The following NKAIN3 variants were observed in gnomAD, a reference collection of about 807,000 sequenced individuals.
NKAIN3 encodes sodium/potassium-transporting ATPase subunit beta-1-interacting protein 3.
Under a neutral mutation model 30.2 loss-of-function variants are expected in NKAIN3, and 25 were observed. That is an observed-to-expected ratio of 0.83 (90% CI 0.60 to 1.16). NKAIN3 has a LOEUF of 1.16. Among genes scored for constraint, NKAIN3 ranks in the 50% most tolerant of loss-of-function variants. The pLI is 0.00. For synonymous variants in NKAIN3, 91 were observed against 89.6 expected, an observed-to-expected ratio of 1.02 and a Z score of -0.09; for missense variants, 225 against 254.1, an observed-to-expected ratio of 0.89 and a Z score of 0.78.
At chr8:62,270,189 C>G (rs1033845397) in intron 1 of NKAIN3, among the ~76,000 whole-genome samples, 2 of 152,120 alleles carry the variant, frequency 1.3e-5, no homozygotes, top group Non-Finnish European at 2.9e-5. Context: ...AAGTGATCCT[C>G]CCACCTCAGT....
At chr8:62,345,494 CACATATATACACATATATACACAT>C in intron 1 of NKAIN3, among the ~76,000 whole-genome samples, 1 of 7,234 alleles carries the variant, frequency 1.4e-4, no homozygotes, top group Non-Finnish European at 4.4e-4. Flanking sequence ...TATATATACA[CACATATATACACATATATACACAT>C]ATATGTATAT....
intron 4 of NKAIN3, among the ~76,000 whole-genome samples, chr8:62,841,279 A>C (rs1413184530): frequency 6.6e-6 from 1 of 152,126 alleles, no homozygotes; most frequent in African/African-American, 2.4e-5. Flanking sequence ...AAATCAAATT[A>C]ATTAACATAT....
At chr8:62,765,631 T>C (rs1816813746) in intron 4 of NKAIN3, among the ~76,000 whole-genome samples, 1 of 152,210 alleles carries the variant, frequency 6.6e-6, no homozygotes, top group African/African-American at 2.4e-5. Context: ...AAGAAGTTAA[T>C]TACATTACCT....
At chr8:62,985,831 A>T (rs1219605577), downstream of NKAIN3, among the ~76,000 whole-genome samples, 1 of 152,156 alleles carries the variant, frequency 6.6e-6, no homozygotes, top group Non-Finnish European at 1.5e-5. Context: ...GTAGTTCTAC[A>T]ACTTTATTTA....
intron 4 of NKAIN3, among the ~76,000 whole-genome samples, chr8:62,780,153 T>C (rs1177409330): frequency 6.6e-6 from 1 of 152,068 alleles, no homozygotes; most frequent in Non-Finnish European, 1.5e-5. Flanking sequence ...TCAGAGACTA[T>C]TATGAACCAT....
Position 62,503,002 on chromosome 8 carries a change from G to A in NKAIN3, c.55-76537G>A, listed in dbSNP as rs74789557. Among the ~76,000 whole-genome samples the A allele has an allele frequency of 8.0e-3, 1,222 of 152,296 alleles. 13 individuals are homozygous for A. The highest frequency in any genetic ancestry group is 0.025 in the African/African-American group (1,048 of 41,574). On this transcript the variant is annotated intron_variant, in intron 1 of 6. Coordinates refer to ENST00000623646, the MANE Select transcript of NKAIN3 (RefSeq NM_001304533.3). ...GACTGGTACTGGTTTGGTCCATGACGTGTTGGGAACCTGGCTGCACAGCAG... is the reference window on the plus strand; with the variant it reads ...GACTGGTACTGGTTTGGTCCATGACATGTTGGGAACCTGGCTGCACAGCAG...
At chr8:62,317,052 C>T (rs1031008656) in intron 1 of NKAIN3, among the ~76,000 whole-genome samples, 2 of 152,062 alleles carry the variant, frequency 1.3e-5, no homozygotes, top group African/African-American at 4.8e-5. Context: ...TTTCATGTGT[C>T]TTTTGGCTGC....
intron 5 of NKAIN3, chr8:62,990,887 T>C (rs1249632393): frequency 6.6e-6 from 1 of 152,154 alleles, no homozygotes; most frequent in Non-Finnish European, 1.5e-5. Context: ...AGAAAGCATT[T>C]TTTACAAAAA....
At chr8:62,662,363 G>C (rs1812972004) in intron 3 of NKAIN3, among the ~76,000 whole-genome samples, 1 of 152,200 alleles carries the variant, frequency 6.6e-6, no homozygotes, top group Non-Finnish European at 1.5e-5. Flanking sequence ...CTCAGTCAGG[G>C]ATGAGGGTCA....
intron 1 of NKAIN3, among the ~76,000 whole-genome samples, chr8:62,506,135 C>A (rs1807626937): frequency 1.1e-5 from 1 of 88,042 alleles, no homozygotes; most frequent in Non-Finnish European, 3.3e-5. Flanking sequence ...ATCAGGATAA[C>A]CTCCCCATAA....
chr8:62,452,975 G>A (rs186330551), intron 1 of NKAIN3, among the ~76,000 whole-genome samples: 5 of 152,236 alleles, frequency 3.3e-5, no homozygotes, highest in Admixed American at 3.3e-4. Context: ...CCCAAATTAA[G>A]TTTGGGTAAA....
intron 5 of NKAIN3, among the ~76,000 whole-genome samples, chr8:62,950,518 A>T (rs560099740): frequency 7.9e-5 from 12 of 152,322 alleles, no homozygotes; most frequent in African/African-American, 2.6e-4. Context: ...TAGAATCTTG[A>T]TAATTTAAGT....
intron 3 of NKAIN3, among the ~76,000 whole-genome samples, chr8:62,728,197 A>G (rs1346224652): frequency 2.0e-5 from 3 of 152,186 alleles, no homozygotes; most frequent in Non-Finnish European, 4.4e-5. Context: ...ATGCAAAACT[A>G]TATACTCCTA....
At chr8:62,269,832 C>CAT (rs1422303614) in intron 1 of NKAIN3, among the ~76,000 whole-genome samples, 2 of 151,928 alleles carry the variant, frequency 1.3e-5, no homozygotes, top group African/African-American at 4.8e-5. Context: ...CCTCAGCATG[C>CAT]ATATAATGCA....
chr8:62,996,794 C>T (rs963659896), intron 5 of NKAIN3, among the ~76,000 whole-genome samples: 8 of 152,132 alleles, frequency 5.3e-5, no homozygotes, highest in East Asian at 3.9e-4. Flanking sequence ...CTTAAAGGTC[C>T]GTAATGATCT....
In NKAIN3 at chr8:62,292,993, T is replaced by C. The variant is rs940481824; in HGVS notation, c.54+43866T>C. On this transcript the variant is annotated intron_variant, in intron 1 of 6. Transcript: ENST00000623646. ...ATTTCATTCATTTGATCTTCGGTCATTGATACCCTTTCTTCCACTTGATCA... is the reference window on the plus strand; with the variant it reads ...ATTTCATTCATTTGATCTTCGGTCACTGATACCCTTTCTTCCACTTGATCA... Among the ~76,000 whole-genome samples the C allele has an allele frequency of 7.9e-5, 12 of 152,186 alleles. No individual in the cohort carries two copies. The South Asian group carries it at 8.3e-4, about 11-fold the overall frequency.
At chr8:62,461,305 A>G (rs948291140) in intron 1 of NKAIN3, among the ~76,000 whole-genome samples, 22 of 152,250 alleles carry the variant, frequency 1.4e-4, no homozygotes, top group Admixed American at 1.4e-3. Flanking sequence ...CAGAATAGTC[A>G]TCAAACAAAC....
intron 2 of NKAIN3, among the ~76,000 whole-genome samples, chr8:62,586,642 A>C (rs910160418): frequency 6.6e-6 from 1 of 152,140 alleles, no homozygotes; most frequent in South Asian, 2.1e-4. Context: ...GAAAATAAGC[A>C]AGCTCAGAAA....
intron 3 of NKAIN3, among the ~76,000 whole-genome samples, chr8:62,660,682 A>G (rs559702442): frequency 6.6e-6 from 1 of 152,358 alleles, no homozygotes; most frequent in South Asian, 2.1e-4. Flanking sequence ...AGGTAGTTAG[A>G]TATGAAAGAT....
Sources: gnomAD v4.1 joint callset for allele counts (sites outside exome capture counted in the v4.1 genomes callset) on GRCh38, gnomAD v4.1.1 for gene constraint, MANE v1.5 for transcripts, NCBI Gene and HGNC (gene_info 2026-07-23, HGNC 2026-07-21) for gene names.